The following ZNF567 variants were observed in gnomAD, a reference collection of about 807,000 sequenced individuals.
ZNF567 encodes zinc finger protein 567.
ZNF567 carries 36 observed loss-of-function variants against 53.9 expected under a neutral mutation model. The ratio of observed to expected loss-of-function variants is 0.67; its 90% CI spans 0.51 to 0.88. ZNF567 has a LOEUF of 0.88. Among genes scored for constraint, ZNF567 ranks in the 40% least tolerant of loss-of-function variants. ZNF567 has a pLI of 0.00. For missense variants in ZNF567, 619 were observed against 764.7 expected (o/e 0.81, Z 2.25); for synonymous variants, 224 against 260.4 (o/e 0.86, Z 1.35).
At chr19:36,669,969 C>G in the ZNF567 span, among the ~76,000 whole-genome samples, 66 of 152,178 alleles carry the variant, frequency 4.3e-4, no homozygotes, top group African/African-American at 1.6e-3. Flanking sequence ...TCTTCCCAGA[C>G]AGTTACCCTG....
chr19:36,698,642 T>C (rs1284306015), intron 3 of ZNF567, among the ~76,000 whole-genome samples: 2 of 151,228 alleles, frequency 1.3e-5, no homozygotes, highest in Non-Finnish European at 3.0e-5. Flanking sequence ...TGGTATCTCA[T>C]TGTGGTTTTG....
intron 3 of ZNF567, among the ~76,000 whole-genome samples, chr19:36,695,756 A>C (rs1240474409): frequency 3.9e-5 from 6 of 152,236 alleles, no homozygotes; most frequent in East Asian, 3.9e-4. Context: ...CTTCTTCCAG[A>C]AGCTATGCAG....
chr19:36,721,798 G>A (rs2040307091), downstream of ZNF567, among the ~76,000 whole-genome samples: 1 of 123,720 alleles, frequency 8.1e-6, no homozygotes, highest in Non-Finnish European at 1.6e-5. Context: ...AGGCTGGAAT[G>A]CAGTGGAGCG....
rs1178488970 is a variant in ZNF567 at position 36,720,889 on chromosome 19, G to C, written c.*221G>C. 2.9e-6 allele frequency: 1 copy of C among 349,578 alleles called. No homozygotes were observed. The highest frequency in any genetic ancestry group is 5.1e-6 in the Non-Finnish European group (1 of 197,320). 21.7% of individuals were successfully genotyped at this position (349,578 alleles called of 1,614,324 possible). ...ATGAAGCTAAATTTTAAAGTCAACT[G>C]CTCTTCCTACTGACTCAAATAGTTT... On this transcript the variant is annotated 3_prime_UTR_variant, in exon 6 of 6. Transcript: ENST00000682579.
intron 5 of ZNF567, among the ~76,000 whole-genome samples, chr19:36,713,170 C>T (rs1413153466): frequency 6.6e-6 from 1 of 151,858 alleles, no homozygotes; most frequent in Non-Finnish European, 1.5e-5. Flanking sequence ...AAAAATTAGC[C>T]AAGGTTGGGT....
the ZNF567 span, among the ~76,000 whole-genome samples, chr19:36,678,029 C>T: frequency 1.7e-4 from 26 of 152,280 alleles, no homozygotes; most frequent in African/African-American, 5.8e-4. Flanking sequence ...AGTCCAATTT[C>T]TTTTCCTATA....
downstream of ZNF567, chr19:36,723,158 C>A: frequency 1.4e-6 from 1 of 702,638 alleles, no homozygotes. Context: ...GTACTCATGA[C>A]CAAAGATGGA....
the ZNF567 span, among the ~76,000 whole-genome samples, chr19:36,673,974 C>A: frequency 6.6e-6 from 1 of 152,168 alleles, no homozygotes; most frequent in Non-Finnish European, 1.5e-5. Context: ...TTGACACCTT[C>A]TATTCTATAT....
At chr19:36,683,352 G>GT (rs1568674474), upstream of ZNF567, among the ~76,000 whole-genome samples, 1 of 152,110 alleles carries the variant, frequency 6.6e-6, no homozygotes, top group Admixed American at 6.5e-5. Flanking sequence ...GATTACAGGG[G>GT]TGAGCTATAC....
intron 2 of ZNF567, among the ~76,000 whole-genome samples, chr19:36,691,675 A>T (rs1253463130): frequency 2.6e-5 from 4 of 152,224 alleles, no homozygotes; most frequent in Non-Finnish European, 5.9e-5. Flanking sequence ...CACAGAAGTA[A>T]CCTCTGTTGT....
upstream of ZNF567, among the ~76,000 whole-genome samples, chr19:36,682,990 TG>T (rs1206611961): frequency 1.3e-5 from 2 of 152,060 alleles, no homozygotes; most frequent in Admixed American, 1.3e-4. Flanking sequence ...TGTGTGTCTG[TG>T]TGTGTGTGAT....
At chr19:36,671,160 C>T in the ZNF567 span, among the ~76,000 whole-genome samples, 1 of 152,122 alleles carries the variant, frequency 6.6e-6, no homozygotes, top group Admixed American at 6.6e-5. Flanking sequence ...ACATTGATGA[C>T]ATTACACTGA....
intron 1 of ZNF567, among the ~76,000 whole-genome samples, chr19:36,687,894 G>T (rs2038341733): frequency 1.3e-5 from 2 of 152,180 alleles, no homozygotes; most frequent in Admixed American, 1.3e-4. Flanking sequence ...CTCCCCAGTG[G>T]CAGGAATTTC....
Position 36,719,866 on chromosome 19 carries a change from C to T in ZNF567, c.1142C>T (p.Ser381Phe). Reference sequence around the variant, plus strand: ...TCCTTCCGCCAGAAGACAACACTCTCTCTACATCAGAGAATCCATACAGGT... The same window carrying T: ...TCCTTCCGCCAGAAGACAACACTCTTTCTACATCAGAGAATCCATACAGGT... ...GKSFRQKTTLSLHQRIHTGEK... is the reference protein window; with the variant it reads ...GKSFRQKTTLFLHQRIHTGEK... The change falls in exon 6 of 6, where the codon TCT becomes TTT. Residue 381 changes from serine (S) to phenylalanine (F), a missense_variant. Ser to Phe is a radical substitution (Grantham distance 155). Coordinates refer to ENST00000682579, the MANE Select transcript of ZNF567 (RefSeq NM_001322917.1). The T allele has an allele frequency of 6.2e-7, 1 of 1,605,972 alleles. No homozygotes were observed. Among genetic ancestry groups the T allele is most frequent in the Non-Finnish European group, 8.5e-7 (1 of 1,175,294 alleles).
At chr19:36,699,536 G>A (rs1175469722) in intron 3 of ZNF567, among the ~76,000 whole-genome samples, 1 of 152,120 alleles carries the variant, frequency 6.6e-6, no homozygotes, top group Non-Finnish European at 1.5e-5. Context: ...TCACGATATT[G>A]ATTCTTCCTA....
At chr19:36,714,247 C>G (rs113450709) in intron 5 of ZNF567, 1 of 286,712 alleles carries the variant, frequency 3.5e-6, no homozygotes, top group African/African-American at 2.2e-5. Flanking sequence ...CTGCAACCTC[C>G]GCCTCCCAGG....
chr19:36,701,023 A>C (rs909183765), intron 3 of ZNF567, among the ~76,000 whole-genome samples: 2 of 151,506 alleles, frequency 1.3e-5, no homozygotes, highest in Non-Finnish European at 2.9e-5. Flanking sequence ...TTAGGGTGTC[A>C]ATTTTGGATC....
chr19:36,702,268 C>T (rs2145707908), intron 3 of ZNF567, among the ~76,000 whole-genome samples: 1 of 152,212 alleles, frequency 6.6e-6, no homozygotes, highest in South Asian at 2.1e-4. Context: ...TGTCTTCTGG[C>T]TTGTAGAGTT....
chr19:36,720,697 A>G lies in ZNF567; in HGVS notation c.*29A>G. 6.7e-7 allele frequency: 1 copy of G among 1,501,262 alleles called. No individual in the cohort carries two copies. The highest frequency in any genetic ancestry group is 2.3e-5 in the East Asian group (1 of 43,760). 93.0% of individuals were successfully genotyped at this position (1,501,262 alleles called of 1,614,324 possible). A position where few individuals can be genotyped will look rare whatever the true frequency, so the allele number is the denominator to read the frequency against. On this transcript the variant is annotated 3_prime_UTR_variant, in exon 6 of 6. Coordinates refer to ENST00000682579, the MANE Select transcript of ZNF567 (RefSeq NM_001322917.1). ...ATGTGGTTTCTTATATGAATTCTTT[A>G]CAAGCTGTTGTAAACATTTAGTTTT... is the stretch of plus-strand genomic sequence containing the variant.
Sources: gnomAD v4.1 joint callset for allele counts (sites outside exome capture counted in the v4.1 genomes callset) on GRCh38, gnomAD v4.1.1 for gene constraint, MANE v1.5 for transcripts, NCBI Gene and HGNC (gene_info 2026-07-23, HGNC 2026-07-21) for gene names.